The following BCKDHB variants were observed in gnomAD, a reference collection of about 807,000 sequenced individuals.
The protein encoded by BCKDHB is 2-oxoisovalerate dehydrogenase subunit beta, mitochondrial.
BCKDHB carries 41 observed loss-of-function variants against 48.5 expected under a neutral mutation model. The ratio of observed to expected loss-of-function variants is 0.85; its 90% CI spans 0.66 to 1.10. BCKDHB has a LOEUF of 1.10. Among genes scored for constraint, BCKDHB ranks in the 50% least tolerant of loss-of-function variants. BCKDHB has a pLI of 0.00. For missense variants in BCKDHB, 496 were observed against 494.2 expected (o/e 1.00, Z -0.03); for synonymous variants, 201 against 174.8 (o/e 1.15, Z -1.18).
the BCKDHB span, among the ~76,000 whole-genome samples, chr6:80,377,842 T>C: frequency 6.6e-6 from 1 of 152,316 alleles, no homozygotes; most frequent in African/African-American, 2.4e-5. Context: ...GTGTGACTTT[T>C]AGAATCATCT....
chr6:80,273,188 C>A lies in BCKDHB; in HGVS notation c.1005C>A (p.Gly335=), dbSNP rs1562193967. 1.9e-6 allele frequency: 3 copies of A among 1,613,534 alleles called. No homozygotes were observed. Among genetic ancestry groups the A allele is most frequent in the Non-Finnish European group, 1.7e-6 (2 of 1,179,652 alleles). Residue 335 remains glycine, a synonymous_variant, in exon 9 of 10, where the codon GGC becomes GGA. Transcript: ENST00000320393. ...LLISHEAPLT[G]GFASEISSTV... is the part of the protein sequence containing the mutation. ...TCAGTCACGAGGCTCCCTTGACAGG[C>A]GGCTTTGCATCGGAAATCAGCTCTA...
intron 3 of BCKDHB, among the ~76,000 whole-genome samples, chr6:80,132,018 T>C (rs1371965331): frequency 6.6e-6 from 1 of 152,058 alleles, no homozygotes; most frequent in African/African-American, 2.4e-5. Context: ...TTTTATCTAT[T>C]TTTTAGTTTT....
chr6:80,299,407 C>T (rs117390340), intron 9 of BCKDHB, among the ~76,000 whole-genome samples: 217 of 152,128 alleles, frequency 1.4e-3, no homozygotes, highest in Non-Finnish European at 2.6e-3. Flanking sequence ...GCCTTTGGTT[C>T]GGGGGTTTCC....
chr6:80,430,198 C>T, the BCKDHB span, among the ~76,000 whole-genome samples: 268 of 152,282 alleles, frequency 1.8e-3, 2 homozygotes, highest in Middle Eastern at 6.8e-3. Context: ...ACCAGCCTTG[C>T]GTCCCAGGTA....
At chr6:80,351,599 C>T in the BCKDHB span, among the ~76,000 whole-genome samples, 1 of 150,510 alleles carries the variant, frequency 6.6e-6, no homozygotes, top group Admixed American at 6.6e-5. Flanking sequence ...AATCAGAGCC[C>T]TTCTTAAAGA....
At chr6:80,431,647 G>T in the BCKDHB span, among the ~76,000 whole-genome samples, 1 of 152,090 alleles carries the variant, frequency 6.6e-6, no homozygotes, top group African/African-American at 2.4e-5. Context: ...TGCAATTCCT[G>T]CTTTTTTTCT....
intron 3 of BCKDHB, among the ~76,000 whole-genome samples, chr6:80,167,201 C>A (rs1772620564): frequency 6.6e-6 from 1 of 151,934 alleles, no homozygotes; most frequent in South Asian, 2.1e-4. Flanking sequence ...GTGACATCAA[C>A]TTTCTTTTGG....
At chr6:80,169,093 T>C (rs1772758077) in intron 5 of BCKDHB, 63 bp downstream of exon 5, 1 of 1,565,662 alleles carries the variant, frequency 6.4e-7, no homozygotes, top group African/African-American at 1.4e-5. Context: ...TTCATTCTAT[T>C]TAATATCTAT....
the BCKDHB span, among the ~76,000 whole-genome samples, chr6:80,402,802 A>G: frequency 6.6e-6 from 1 of 151,796 alleles, no homozygotes; most frequent in Non-Finnish European, 1.5e-5. Flanking sequence ...ATATGAATTC[A>G]ATTTTATTTT....
rs1262642213 is a variant in BCKDHB at position 80,346,255 on chromosome 6, G to A, written c.*2451G>A. ...TATGTGTGTGATAGTATTCAATAAA[G>A]TAAAATCAAATTGTCTTTGGGTTGT... On this transcript the variant is annotated 3_prime_UTR_variant, in exon 10 of 10. Transcript: ENST00000320393. The A allele has an allele frequency of 6.6e-6, 1 of 152,112 alleles. No homozygotes were observed. Among genetic ancestry groups the A allele is most frequent in the African/African-American group, 2.4e-5 (1 of 41,432 alleles). 9.4% of individuals were successfully genotyped at this position (152,112 alleles called of 1,614,324 possible). A position where few individuals can be genotyped will look rare whatever the true frequency, so the allele number is the denominator to read the frequency against.
chr6:80,275,319 A>G (rs1777922881), intron 9 of BCKDHB, among the ~76,000 whole-genome samples: 1 of 152,090 alleles, frequency 6.6e-6, no homozygotes, highest in African/African-American at 2.4e-5. Flanking sequence ...CTCTTAATTC[A>G]AAATCCCCTG....
intron 8 of BCKDHB, among the ~76,000 whole-genome samples, chr6:80,243,598 T>C (rs780217453): frequency 6.6e-6 from 1 of 152,158 alleles, no homozygotes; most frequent in Non-Finnish European, 1.5e-5. Context: ...AGTGGTGTGA[T>C]CTCAGTGCAC....
intron 6 of BCKDHB, among the ~76,000 whole-genome samples, chr6:80,174,185 A>C (rs958082668): frequency 1.3e-5 from 2 of 152,112 alleles, no homozygotes; most frequent in Admixed American, 6.6e-5. Context: ...GAAAACACAA[A>C]ATTGTACATT....
the BCKDHB span, among the ~76,000 whole-genome samples, chr6:80,436,355 G>A: frequency 2.0e-5 from 3 of 151,180 alleles, no homozygotes; most frequent in Admixed American, 6.6e-5. Context: ...GTAGAGATGG[G>A]GTTTCACCGT....
chr6:80,262,403 G>A (rs1487533926), intron 8 of BCKDHB, among the ~76,000 whole-genome samples: 1 of 152,054 alleles, frequency 6.6e-6, no homozygotes, highest in Non-Finnish European at 1.5e-5. Flanking sequence ...TTTTAAACCA[G>A]AAGTCCAGTA....
the BCKDHB span, among the ~76,000 whole-genome samples, chr6:80,463,761 T>C: frequency 1.3e-5 from 2 of 152,096 alleles, no homozygotes; most frequent in African/African-American, 4.8e-5. Context: ...TGAACACATA[T>C]TGTCTCATTT....
chr6:80,193,189 G>A (rs896323572), intron 6 of BCKDHB, among the ~76,000 whole-genome samples: 1 of 152,064 alleles, frequency 6.6e-6, no homozygotes, highest in Non-Finnish European at 1.5e-5. Context: ...GGAAATGTGA[G>A]ACTTACCAGT....
chr6:80,294,653 A>T (rs535964649), intron 9 of BCKDHB, among the ~76,000 whole-genome samples: 1 of 152,282 alleles, frequency 6.6e-6, no homozygotes, highest in East Asian at 1.9e-4. Context: ...TATGTGCTTG[A>T]GATAAGGACT....
At chr6:80,257,113 T>A (rs1185335082) in intron 8 of BCKDHB, among the ~76,000 whole-genome samples, 3 of 152,144 alleles carry the variant, frequency 2.0e-5, no homozygotes, top group Non-Finnish European at 4.4e-5. Flanking sequence ...ATAATAATGT[T>A]TAGCCTTTCA....
Sources: gnomAD v4.1 joint callset for allele counts (sites outside exome capture counted in the v4.1 genomes callset) on GRCh38, gnomAD v4.1.1 for gene constraint, MANE v1.5 for transcripts, NCBI Gene and HGNC (gene_info 2026-07-23, HGNC 2026-07-21) for gene names.